Variants in JMJD1C observed in about 807,000 individuals in gnomAD.
JMJD1C encodes jumonji domain containing 1C.
In JMJD1C, 31 loss-of-function variants were observed where a neutral mutation model predicts 245.3. That is an observed-to-expected ratio of 0.13 (90% CI 0.09 to 0.17). The LOEUF (loss-of-function observed/expected upper bound fraction) is 0.17, where lower values mean the gene tolerates loss of function less well. JMJD1C is among the 10% of genes least tolerant of loss of function. The pLI is 1.00. For missense variants in JMJD1C, 2,691 were observed against 3,000.2 expected (o/e 0.90, Z 2.41); for synonymous variants, 1,057 against 1,017.4 (o/e 1.04, Z -0.74).
intron 2 of JMJD1C, among the ~76,000 whole-genome samples, chr10:63,321,888 A>C (rs1940915920): frequency 6.6e-6 from 1 of 152,208 alleles, no homozygotes; most frequent in South Asian, 2.1e-4. Context: ...CACCAGTTCA[A>C]AACAGCCTTT....
chr10:63,506,113 T>C (rs1954711060), intron 1 of JMJD1C, among the ~76,000 whole-genome samples: 1 of 152,200 alleles, frequency 6.6e-6, no homozygotes, highest in Non-Finnish European at 1.5e-5. Context: ...TAGTGTGACA[T>C]GCCAAAATTT....
intron 1 of JMJD1C, among the ~76,000 whole-genome samples, chr10:63,479,102 A>G (rs771115294): frequency 1.3e-5 from 2 of 152,164 alleles, no homozygotes; most frequent in Non-Finnish European, 2.9e-5. Flanking sequence ...TTTTCTTTCT[A>G]TGTAGGCTGT....
At position 63,379,862 on chromosome 10, in the gene JMJD1C, T is replaced by A. The variant is rs1206933167; in HGVS notation, c.333+456A>T. On this transcript the variant is annotated intron_variant, in intron 2 of 25. Coordinates refer to ENST00000399262, the MANE Select transcript of JMJD1C (RefSeq NM_032776.3). ...AATCTCTGCCAGATTCATCAGAGAC[T>A]CTTCAAAAATATTAATTTATAAATC... is the stretch of plus-strand genomic sequence containing the variant. Among the ~76,000 whole-genome samples, 9 of 152,306 alleles carry A rather than the reference T, an allele frequency of 5.9e-5. No homozygotes were observed. The East Asian group carries it at 1.7e-3, about 29-fold the overall frequency.
intron 3 of JMJD1C, among the ~76,000 whole-genome samples, chr10:63,230,188 C>T (rs766125075): frequency 1.3e-5 from 2 of 152,168 alleles, no homozygotes; most frequent in Non-Finnish European, 2.9e-5. Flanking sequence ...GCCTGGCCAA[C>T]ATGGTGAACC....
At chr10:63,266,437 G>A (rs545535397) in intron 2 of JMJD1C, among the ~76,000 whole-genome samples, 153 of 152,038 alleles carry the variant, frequency 1.0e-3, no homozygotes, top group Non-Finnish European at 1.8e-3. Flanking sequence ...AAGTTTGTAA[G>A]AAATTCAAGA....
In JMJD1C at chr10:63,215,581, C is replaced by A; in HGVS notation, c.794G>T (p.Arg265Leu). The A allele has an allele frequency of 1.9e-6, 3 of 1,610,286 alleles. No individual in the cohort carries two copies. Among genetic ancestry groups the A allele is most frequent in the Non-Finnish European group, 2.5e-6 (3 of 1,176,778 alleles). The stretch of plus-strand genomic sequence containing the variant: ...AACAGCGTTGACGTTTTGATTGGCA[C>A]GAGACCTGCGTCGTGATGTAATGCC... ...NIGITSRRRSRANQNVNAVHS... is the reference protein window; with the variant it reads ...NIGITSRRRSLANQNVNAVHS... Residue 265 changes from arginine to leucine, a missense_variant, in exon 6 of 26, where the codon CGT becomes CTT. Arg to Leu is a moderately radical substitution (Grantham distance 102). This residue lies in a region of JMJD1C where 172 missense variants were observed against 240.8 expected (regional missense o/e 0.71). Transcript: ENST00000399262.
At chr10:63,434,420 A>ATC (rs1410252419) in intron 1 of JMJD1C, among the ~76,000 whole-genome samples, 1 of 152,188 alleles carries the variant, frequency 6.6e-6, no homozygotes, top group African/African-American at 2.4e-5. Context: ...GAAGGGGGAA[A>ATC]TCACATGGGA....
intron 1 of JMJD1C, among the ~76,000 whole-genome samples, chr10:63,434,312 G>C (rs147561355): frequency 2.0e-5 from 3 of 152,126 alleles, no homozygotes; most frequent in Non-Finnish European, 2.9e-5. Context: ...TGCAACATAC[G>C]TTACAAACGG....
At chr10:63,420,457 G>GGAGGCA (rs1950055742) in intron 1 of JMJD1C, among the ~76,000 whole-genome samples, 1 of 152,008 alleles carries the variant, frequency 6.6e-6, no homozygotes, top group Non-Finnish European at 1.5e-5. Context: ...CAGCAGTTTG[G>GGAGGCA]GAGGCAGAGG....
intron 2 of JMJD1C, among the ~76,000 whole-genome samples, chr10:63,356,559 CTG>C (rs1482138487): frequency 6.6e-6 from 1 of 152,216 alleles, no homozygotes; most frequent in Non-Finnish European, 1.5e-5. Flanking sequence ...ATGGTTTGGA[CTG>C]TTATTTTTCA....
chr10:63,351,372 G>A (rs1218638882), intron 2 of JMJD1C, among the ~76,000 whole-genome samples: 1 of 152,172 alleles, frequency 6.6e-6, no homozygotes, highest in African/African-American at 2.4e-5. Flanking sequence ...AGAGGTGTGA[G>A]CCACTGCACC....
intron 1 of JMJD1C, among the ~76,000 whole-genome samples, chr10:63,507,657 A>AAC (rs1954762998): frequency 6.7e-6 from 1 of 150,056 alleles, no homozygotes. Flanking sequence ...AAAAAAAAAA[A>AAC]AAAAAACAGT....
At chr10:63,435,679 T>G (rs150343707) in intron 1 of JMJD1C, among the ~76,000 whole-genome samples, 1 of 152,108 alleles carries the variant, frequency 6.6e-6, no homozygotes, top group Non-Finnish European at 1.5e-5. Context: ...GCGCGTGGAC[T>G]GGCTGAGGTC....
chr10:63,307,117 G>A (rs1938359626), intron 2 of JMJD1C, among the ~76,000 whole-genome samples: 1 of 151,904 alleles, frequency 6.6e-6, no homozygotes, highest in South Asian at 2.1e-4. Context: ...TATTTTTACA[G>A]TGGTTGGTGT....
At position 63,207,356 on chromosome 10, in the gene JMJD1C, A is replaced by T; in HGVS notation, c.4313T>A (p.Val1438Asp). Reference sequence around the variant, plus strand: ...TTGTTTTTGAGCCACTGGCTGACTGACACTTTTTGAAGATACACATTCTGA... The same window carrying T: ...TTGTTTTTGAGCCACTGGCTGACTGTCACTTTTTGAAGATACACATTCTGA... ...TSSECVSSKS[V>D]SQPVAQKQEC... Residue 1438 changes from valine to aspartate, a missense_variant, in exon 10 of 26, where the codon GTC (valine) becomes GAC (aspartate). Coordinates refer to ENST00000399262, the MANE Select transcript of JMJD1C (RefSeq NM_032776.3). 6.2e-7 allele frequency: 1 copy of T among 1,613,936 alleles called. No homozygotes were observed. The highest frequency in any genetic ancestry group is 8.5e-7 in the Non-Finnish European group (1 of 1,180,034).
At position 63,219,920 on chromosome 10, in the gene JMJD1C, C is replaced by A. The variant is rs754412264; in HGVS notation, c.511G>T (p.Val171Phe). 1 of 1,613,850 alleles carries A rather than the reference C, an allele frequency of 6.2e-7. No individual in the cohort carries two copies. Among genetic ancestry groups the A allele is most frequent in the Admixed American group, 1.7e-5 (1 of 60,016 alleles). Residue 171 changes from valine (V) to phenylalanine (F), a missense_variant, in exon 4 of 26, where the codon GTC becomes TTC. By Grantham distance (50) the Val-to-Phe change is conservative. Transcript: ENST00000399262. The stretch of plus-strand genomic sequence containing the variant: ...TGAACCTTTTGTTCCTTTACCCAGA[C>A]TTTCACTTCCTCATGAAGCTGCGGG... ...DNPQLHEEVK[V>F]WVKEQKVQEI...
intron 1 of JMJD1C, among the ~76,000 whole-genome samples, chr10:63,452,616 T>C (rs752478831): frequency 4.6e-5 from 7 of 152,152 alleles, no homozygotes; most frequent in Non-Finnish European, 5.9e-5. Context: ...GGGACTTAAA[T>C]AGATATGCTG....
At chr10:63,437,109 C>CTTGGATTGTTTCTGTT (rs1951099703) in intron 1 of JMJD1C, among the ~76,000 whole-genome samples, 1 of 152,176 alleles carries the variant, frequency 6.6e-6, no homozygotes, top group Admixed American at 6.5e-5. Context: ...TTAAATCCAA[C>CTTGGATTGTTTCTGTT]TCTCCACCTA....
In JMJD1C at chr10:63,214,066, T is replaced by C; in HGVS notation, c.2101A>G (p.Ser701Gly). The C allele has an allele frequency of 1.2e-6, 2 of 1,614,158 alleles. No homozygotes were observed. The highest frequency in any genetic ancestry group is 2.2e-5 in the South Asian group (2 of 91,082). ...TRSSTLETTK[S>G]PLIIDKNEHF... The stretch of plus-strand genomic sequence containing the variant: ...TCATTTTTATCAATGATAAGAGGAC[T>C]CTTTGTAGTTTCTAATGTACTGCTT... Residue 701 changes from serine (S) to glycine (G), a missense_variant, in exon 8 of 26, where the codon AGT becomes GGT. By Grantham distance (56) the Ser-to-Gly change is moderately conservative. This residue lies in a region of JMJD1C where 1,562 missense variants were observed against 1,490.7 expected (regional missense o/e 1.05). Coordinates refer to ENST00000399262, the MANE Select transcript of JMJD1C (RefSeq NM_032776.3).
Sources: gnomAD v4.1 joint callset for allele counts (sites outside exome capture counted in the v4.1 genomes callset) on GRCh38, gnomAD v4.1.1 for gene constraint, gnomAD v4.1.1 regional missense constraint, MANE v1.5 for transcripts, NCBI Gene and HGNC (gene_info 2026-07-23, HGNC 2026-07-21) for gene names.